The following ITGA6 variants were observed in gnomAD, a reference collection of about 807,000 sequenced individuals.
The protein encoded by ITGA6 is integrin alpha-6.
Under a neutral mutation model 133.6 loss-of-function variants are expected in ITGA6, and 63 were observed. That is an observed-to-expected ratio of 0.47 (90% CI 0.38 to 0.58). The LOEUF is 0.58. Among genes scored for constraint, ITGA6 ranks in the 20% least tolerant of loss-of-function variants. The pLI, the probability that ITGA6 is intolerant of heterozygous loss-of-function variation, is 0.00. For synonymous variants in ITGA6, 434 were observed against 482.0 expected, an observed-to-expected ratio of 0.90 and a Z score of 1.30; for missense variants, 1,068 against 1,309.4, an observed-to-expected ratio of 0.82 and a Z score of 2.85.
chr2:172,488,539 C>T (rs1409593802), intron 19 of ITGA6, among the ~76,000 whole-genome samples: 1 of 152,152 alleles, frequency 6.6e-6, no homozygotes, highest in Non-Finnish European at 1.5e-5. Flanking sequence ...GTATGCCTAC[C>T]TTTCACAAGC....
intron 1 of ITGA6, among the ~76,000 whole-genome samples, chr2:172,448,993 A>G (rs1353626581): frequency 6.6e-6 from 1 of 152,146 alleles, no homozygotes; most frequent in African/African-American, 2.4e-5. Context: ...GAGCTTGGTA[A>G]TTGACAGTGT....
At chr2:172,467,957 A>G (rs891911324) in intron 3 of ITGA6, among the ~76,000 whole-genome samples, 1 of 135,764 alleles carries the variant, frequency 7.4e-6, no homozygotes, top group Admixed American at 7.3e-5. Context: ...AAAAAAAAGA[A>G]AAAAAAAGAA....
intron 1 of ITGA6, among the ~76,000 whole-genome samples, chr2:172,457,174 G>A (rs1685242637): frequency 6.6e-6 from 1 of 151,814 alleles, no homozygotes; most frequent in African/African-American, 2.4e-5. Context: ...GGCACCTGTA[G>A]TGCGAGCTAC....
At chr2:172,427,490 C>T, upstream of ITGA6, 1 of 1,080,632 alleles carries the variant, frequency 9.3e-7, no homozygotes, top group Non-Finnish European at 1.1e-6. Context: ...GGGCGGTGCG[C>T]CGGGCCGCGG....
In ITGA6 at chr2:172,485,171, G is replaced by A. The variant is rs1686611345; in HGVS notation, c.1761G>A (p.Glu587=). 4 of 1,613,664 alleles carry A rather than the reference G, an allele frequency of 2.5e-6. No homozygotes were observed. The highest frequency in any genetic ancestry group is 1.1e-5 in the South Asian group (1 of 91,070). ...CCATTCCCATAACTGCCTCAGTGGA[G>A]ATCCAAGAGCCAAGCTCTCGTAGGC... ...LRPIPITASV[E]IQEPSSRRRV... Residue 587 remains glutamate, a synonymous_variant, in exon 13 of 26, where the codon GAG becomes GAA. Transcript: ENST00000684293.
chr2:172,475,047 C>T lies in ITGA6; in HGVS notation c.1105C>T (p.Leu369Phe), dbSNP rs1574378923. 6.2e-7 allele frequency: 1 copy of T among 1,608,374 alleles called. No homozygotes were observed. The highest frequency in any genetic ancestry group is 8.5e-7 in the Non-Finnish European group (1 of 1,174,782). ...GRWNNVKPIR[L>F]NGTKDSMFGI... is the part of the protein sequence containing the mutation. The stretch of plus-strand genomic sequence containing the variant: ...ATGGAATAATGTGAAGCCAATTCGT[C>T]TTAATGGAACCAAAGATTCTATGTT... Residue 369 changes from leucine to phenylalanine, a missense_variant, in exon 7 of 26, where the codon CTT (leucine) becomes TTT (phenylalanine). Physicochemically the swap from Leu to Phe is conservative, Grantham distance 22 (BLOSUM62 0). This residue lies in a region of ITGA6 where 317 missense variants were observed against 456.9 expected (regional missense o/e 0.69). Transcript: ENST00000684293.
At position 172,479,758 on chromosome 2, in the gene ITGA6, T is replaced by G; in HGVS notation, c.1487+19T>G. The G allele has an allele frequency of 6.3e-7, 1 of 1,599,622 alleles. No homozygotes were observed. The highest frequency in any genetic ancestry group is 8.6e-7 in the Non-Finnish European group (1 of 1,166,912). ...GGATATGGTGAGCATCCCTCTGTCT[T>G]GGTGGGATCCCCCTCAGTTTCCCAC... On this transcript the variant is annotated intron_variant, in intron 10 of 25. Transcript: ENST00000684293.
At chr2:172,460,068 GCA>G (rs1685369522) in intron 1 of ITGA6, among the ~76,000 whole-genome samples, 2 of 152,248 alleles carry the variant, frequency 1.3e-5, no homozygotes, top group Admixed American at 1.3e-4. Flanking sequence ...TGTAAGAATA[GCA>G]AGTCTGTTTG....
chr2:172,444,568 GC>G (rs964799178), intron 1 of ITGA6, among the ~76,000 whole-genome samples: 18 of 151,418 alleles, frequency 1.2e-4, no homozygotes, highest in Non-Finnish European at 2.2e-4. Context: ...AAGTATTAAT[GC>G]AAATATTCCA....
At chr2:172,495,073 A>T (rs1211204166) in intron 23 of ITGA6, among the ~76,000 whole-genome samples, 1 of 152,230 alleles carries the variant, frequency 6.6e-6, no homozygotes, top group Non-Finnish European at 1.5e-5. Flanking sequence ...AAGATACGAA[A>T]ATCCCTTCAT....
chr2:172,445,652 TA>T (rs548737006), intron 1 of ITGA6, among the ~76,000 whole-genome samples: 178 of 138,056 alleles, frequency 1.3e-3, no homozygotes, highest in Middle Eastern at 3.6e-3. Context: ...CCGTCTTTTT[TA>T]AAAAAAAAAA....
At chr2:172,493,552 G>A (rs545716988) in intron 23 of ITGA6, among the ~76,000 whole-genome samples, 1 of 151,924 alleles carries the variant, frequency 6.6e-6, no homozygotes, top group Non-Finnish European at 1.5e-5. Flanking sequence ...AATGCCAAGG[G>A]TAAACATTGT....
intron 8 of ITGA6, among the ~76,000 whole-genome samples, 175 bp from the exon 9 acceptor site, chr2:172,476,220 G>A (rs1686168215): frequency 1.3e-5 from 2 of 152,092 alleles, no homozygotes; most frequent in African/African-American, 4.8e-5. Context: ...TTTATGAAAT[G>A]AAATGTATGA....
At chr2:172,454,209 G>A (rs1288438676) in intron 1 of ITGA6, among the ~76,000 whole-genome samples, 3 of 151,464 alleles carry the variant, frequency 2.0e-5, no homozygotes, top group Non-Finnish European at 2.9e-5. Flanking sequence ...TCAGCCTCCC[G>A]AGTAGCTAGG....
intron 1 of ITGA6, among the ~76,000 whole-genome samples, chr2:172,433,170 G>A (rs550160902): frequency 3.2e-4 from 49 of 152,224 alleles, no homozygotes; most frequent in African/African-American, 1.1e-3. Flanking sequence ...TCTGGGCTTG[G>A]GTACAACTCT....
intron 6 of ITGA6, 25 bp downstream of exon 6, chr2:172,474,290 T>C (rs372379729): frequency 2.7e-5 from 43 of 1,591,844 alleles, no homozygotes; most frequent in Non-Finnish European, 7.8e-6. Flanking sequence ...GGTTATATTA[T>C]GCTGCAAATC....
rs150870241 is a variant in ITGA6, at chr2:172,495,955, C to T, written c.2989-2020C>T. 3.1e-3 allele frequency among the ~76,000 whole-genome samples: 467 copies of T among 152,330 alleles called. 3 individuals carry two copies. Among genetic ancestry groups the T allele is most frequent in the African/African-American group, 0.011 (457 of 41,578 alleles). On this transcript the variant is annotated intron_variant, in intron 23 of 25. Transcript: ENST00000684293. The stretch of plus-strand genomic sequence containing the variant: ...AAGACCAGTTTCCACTCTCCACTTC[C>T]AGATTTACTGGAACTTTTTCTTACA...
intron 1 of ITGA6, among the ~76,000 whole-genome samples, chr2:172,454,500 C>G (rs1418429916): frequency 6.6e-6 from 1 of 151,966 alleles, no homozygotes; most frequent in Non-Finnish European, 1.5e-5. Flanking sequence ...GAGGGTTAAC[C>G]CAGAATGTGC....
chr2:172,475,237 G>T, intron 7 of ITGA6, 115 bp downstream of exon 7: 1 of 767,512 alleles, frequency 1.3e-6, no homozygotes, highest in South Asian at 1.4e-5. Flanking sequence ...GGAGGCTGAG[G>T]TGGGCGGATC....
Sources: gnomAD v4.1 joint callset for allele counts (sites outside exome capture counted in the v4.1 genomes callset) on GRCh38, gnomAD v4.1.1 for gene constraint, gnomAD v4.1.1 regional missense constraint, MANE v1.5 for transcripts, NCBI Gene and HGNC (gene_info 2026-07-23, HGNC 2026-07-21) for gene names.